The following NMNAT2 variants were observed in gnomAD, a reference collection of about 807,000 sequenced individuals.
NMNAT2 encodes the protein nicotinamide/nicotinic acid mononucleotide adenylyltransferase 2.
A neutral mutation model predicts 41.6 loss-of-function variants in NMNAT2; 11 were observed. The ratio of observed to expected loss-of-function variants is 0.26; its 90% CI spans 0.17 to 0.44. The LOEUF is 0.44. Ranked by LOEUF, NMNAT2 falls within the 20% of genes least tolerant of loss-of-function variation. NMNAT2 has a pLI of 1.00. For synonymous variants in NMNAT2, 148 were observed against 151.2 expected (o/e 0.98, Z 0.16); for missense variants, 288 against 407.7 (o/e 0.71, Z 2.53).
intron 7 of NMNAT2, among the ~76,000 whole-genome samples, chr1:183,280,329 G>GT (rs1661227521): frequency 6.6e-6 from 1 of 152,142 alleles, no homozygotes; most frequent in African/African-American, 2.4e-5. Context: ...AAGGCACATA[G>GT]GCCACATGTG....
chr1:183,413,212 C>T (rs1435132857), intron 1 of NMNAT2, among the ~76,000 whole-genome samples: 1 of 152,150 alleles, frequency 6.6e-6, no homozygotes, highest in Non-Finnish European at 1.5e-5. Context: ...GCAGAGTTTA[C>T]AAATCATGGA....
chr1:183,305,887 A>T (rs1210064272), intron 1 of NMNAT2, among the ~76,000 whole-genome samples: 1 of 151,832 alleles, frequency 6.6e-6, no homozygotes, highest in Admixed American at 6.6e-5. Context: ...TACCCGGCCA[A>T]TTTTTTGTAT....
At chr1:183,350,882 G>C (rs1663030824) in intron 1 of NMNAT2, among the ~76,000 whole-genome samples, 1 of 152,194 alleles carries the variant, frequency 6.6e-6, no homozygotes, top group Non-Finnish European at 1.5e-5. Flanking sequence ...TATTGAGATA[G>C]CTGGGATTTG....
intron 1 of NMNAT2, among the ~76,000 whole-genome samples, chr1:183,305,105 C>CT (rs5779162): frequency 0.13 from 17,654 of 140,186 alleles, 1,279 homozygotes; most frequent in East Asian, 0.34. Flanking sequence ...TTGAAAAAGC[C>CT]TTTTTTTTTT....
intron 1 of NMNAT2, among the ~76,000 whole-genome samples, chr1:183,338,622 C>T (rs879242923): frequency 6.6e-6 from 1 of 152,052 alleles, no homozygotes; most frequent in Admixed American, 6.6e-5. Context: ...TTACTGTTGC[C>T]CAAGTTGGTA....
Position 183,350,390 on chromosome 1 carries a change from G to A in NMNAT2, c.86-56597C>T, listed in dbSNP as rs186808116. ...ATCCATTCAAAGATACCCTGCAGCTGATAAAGGGAGAAGGAAAAAGGGGGA... is the reference window on the plus strand; with the variant it reads ...ATCCATTCAAAGATACCCTGCAGCTAATAAAGGGAGAAGGAAAAAGGGGGA... On this transcript the variant is annotated intron_variant, in intron 1 of 10. Transcript: ENST00000287713. 6.9e-3 allele frequency among the ~76,000 whole-genome samples: 1,051 copies of A among 152,250 alleles called. 6 individuals are homozygous for A. Among genetic ancestry groups the A allele is most frequent in the Non-Finnish European group, 0.011 (750 of 68,014 alleles).
intron 1 of NMNAT2, among the ~76,000 whole-genome samples, chr1:183,325,802 A>C (rs1432010721): frequency 6.6e-6 from 1 of 152,212 alleles, no homozygotes; most frequent in Non-Finnish European, 1.5e-5. Context: ...CCTATTGCCC[A>C]GTACATAGTA....
At chr1:183,363,452 C>T (rs1452362459) in intron 1 of NMNAT2, among the ~76,000 whole-genome samples, 3 of 152,054 alleles carry the variant, frequency 2.0e-5, no homozygotes, top group African/African-American at 7.2e-5. Context: ...GACATGTTTT[C>T]CCTTAGGAAG....
intron 8 of NMNAT2, among the ~76,000 whole-genome samples, chr1:183,270,698 G>C (rs1660963232): frequency 6.6e-6 from 1 of 152,170 alleles, no homozygotes; most frequent in Non-Finnish European, 1.5e-5. Context: ...AGAACAGCCA[G>C]AATCCCCCAT....
chr1:183,267,039 T>A (rs1660835142), intron 8 of NMNAT2: 1 of 161,442 alleles, frequency 6.2e-6, no homozygotes. Flanking sequence ...GCAGAGGAGT[T>A]GTTGTAGACA....
At chr1:183,269,454 A>G (rs1447377013) in intron 8 of NMNAT2, among the ~76,000 whole-genome samples, 1 of 152,262 alleles carries the variant, frequency 6.6e-6, no homozygotes, top group East Asian at 1.9e-4. Context: ...GATCCTCTGC[A>G]GGGCCATCCT....
chr1:183,277,128 C>T (rs1451359973), intron 8 of NMNAT2, among the ~76,000 whole-genome samples: 1 of 152,092 alleles, frequency 6.6e-6, no homozygotes, highest in Non-Finnish European at 1.5e-5. Flanking sequence ...CCTTCCAAAC[C>T]CATGGGACGT....
chr1:183,292,647 A>G, intron 3 of NMNAT2, 143 bp downstream of exon 3: 1 of 713,614 alleles, frequency 1.4e-6, no homozygotes, highest in Non-Finnish European at 2.5e-6. Context: ...AGGTCTACTT[A>G]TTGCCTCCAC....
chr1:183,288,834 T>C (rs1171930707), intron 4 of NMNAT2, among the ~76,000 whole-genome samples: 1 of 152,226 alleles, frequency 6.6e-6, no homozygotes, highest in East Asian at 1.9e-4. Flanking sequence ...TTACTGCTAT[T>C]GTGGAGACCA....
intron 1 of NMNAT2, among the ~76,000 whole-genome samples, chr1:183,401,913 C>T (rs911378105): frequency 1.6e-5 from 2 of 128,798 alleles, no homozygotes; most frequent in Non-Finnish European, 3.2e-5. Context: ...GACATGGGGG[C>T]CTGTCATGGG....
chr1:183,287,334 C>A (rs1032404733), intron 4 of NMNAT2, among the ~76,000 whole-genome samples: 1 of 152,150 alleles, frequency 6.6e-6, no homozygotes, highest in South Asian at 2.1e-4. Flanking sequence ...TCACCACCTG[C>A]GGCCTCTTTG....
intron 1 of NMNAT2, among the ~76,000 whole-genome samples, chr1:183,325,048 A>G (rs191726649): frequency 6.6e-6 from 1 of 152,304 alleles, no homozygotes; most frequent in East Asian, 1.9e-4. Flanking sequence ...AGGAACCAGA[A>G]GTCACACCAA....
At chr1:183,283,844 T>A in intron 7 of NMNAT2, 151 bp downstream of exon 7, 1 of 747,542 alleles carries the variant, frequency 1.3e-6, no homozygotes, top group East Asian at 2.6e-5. Context: ...ACGAATGCAA[T>A]CTTAGCCTGG....
intron 1 of NMNAT2, among the ~76,000 whole-genome samples, chr1:183,305,719 T>C (rs1661978016): frequency 7.3e-6 from 1 of 136,778 alleles, no homozygotes; most frequent in Non-Finnish European, 1.5e-5. Flanking sequence ...TTACAGCCTT[T>C]TTTTTTTTTT....
Sources: allele counts gnomAD v4.1 joint callset (sites outside exome capture counted in the v4.1 genomes callset), GRCh38; gene constraint gnomAD v4.1.1; transcripts MANE v1.5; gene names NCBI Gene and HGNC (gene_info 2026-07-23, HGNC 2026-07-21).